Variants in TSC22D2 observed in about 807,000 individuals in gnomAD.
TSC22D2 encodes the protein TSC22 domain family protein 2.
TSC22D2 carries 5 observed loss-of-function variants against 50.1 expected under a neutral mutation model. The ratio of observed to expected loss-of-function variants is 0.10; its 90% CI spans 0.05 to 0.21. The LOEUF (loss-of-function observed/expected upper bound fraction) is 0.21. Ranked by LOEUF, TSC22D2 falls within the 10% of genes least tolerant of loss-of-function variation. The pLI, the probability that TSC22D2 is intolerant of heterozygous loss-of-function variation, is 1.00. For synonymous variants in TSC22D2, 501 were observed against 450.1 expected (o/e 1.11, Z -1.43); for missense variants, 1,003 against 1,015.5 (o/e 0.99, Z 0.17).
chr3:150,458,658 GA>G lies in TSC22D2; in HGVS notation c.*29del. 1 of 1,606,558 alleles carries G rather than the reference GA, an allele frequency of 6.2e-7. No individual in the cohort carries two copies. Among genetic ancestry groups the G allele is most frequent in the Non-Finnish European group, 8.5e-7 (1 of 1,176,952 alleles). On this transcript the variant is annotated 3_prime_UTR_variant, in exon 3 of 3. Transcript: ENST00000688009. ...ATAAAGCTTTCTTAAGCCTCATTAA[GA>G]AAAAAACTGAAAGCAATCTATCCTT...
chr3:150,435,979 T>A (rs1365138658), intron 1 of TSC22D2, among the ~76,000 whole-genome samples: 1 of 152,174 alleles, frequency 6.6e-6, no homozygotes, highest in Non-Finnish European at 1.5e-5. Flanking sequence ...TTGAAGGGTA[T>A]CTGGTTAATC....
At chr3:150,437,498 C>T (rs537039227) in intron 1 of TSC22D2, among the ~76,000 whole-genome samples, 33 of 152,006 alleles carry the variant, frequency 2.2e-4, no homozygotes, top group African/African-American at 7.7e-4. Context: ...ATCCAGCCAC[C>T]CATGCTATAA....
At chr3:150,450,628 A>C (rs934005840) in intron 1 of TSC22D2, among the ~76,000 whole-genome samples, 1 of 152,052 alleles carries the variant, frequency 6.6e-6, no homozygotes, top group South Asian at 2.1e-4. Context: ...GTCTATATGA[A>C]TTTTATTTAT....
intron 1 of TSC22D2, among the ~76,000 whole-genome samples, chr3:150,419,870 CA>C (rs1364276016): frequency 6.6e-6 from 1 of 152,146 alleles, no homozygotes; most frequent in East Asian, 1.9e-4. Flanking sequence ...GTGTAAACCA[CA>C]TCTCAGTCTT....
At chr3:150,432,130 G>A (rs921916807) in intron 1 of TSC22D2, among the ~76,000 whole-genome samples, 3 of 152,122 alleles carry the variant, frequency 2.0e-5, no homozygotes. Context: ...GCTAGCTGAA[G>A]TGGGACACTA....
intron 1 of TSC22D2, among the ~76,000 whole-genome samples, chr3:150,444,424 GTTTCTGC>G (rs1438811078): frequency 1.3e-5 from 2 of 152,158 alleles, no homozygotes; most frequent in East Asian, 3.8e-4. Context: ...GAGATGGACA[GTTTCTGC>G]TTTTAAGGTT....
intron 1 of TSC22D2, among the ~76,000 whole-genome samples, chr3:150,437,604 A>G (rs1240177006): frequency 6.6e-6 from 1 of 151,580 alleles, no homozygotes; most frequent in Non-Finnish European, 1.5e-5. Flanking sequence ...GATCGAGACC[A>G]TCCTGGCTAA....
chr3:150,454,416 G>C (rs1721128482), intron 1 of TSC22D2, among the ~76,000 whole-genome samples: 1 of 152,170 alleles, frequency 6.6e-6, no homozygotes, highest in Non-Finnish European at 1.5e-5. Flanking sequence ...TATATGCCAG[G>C]CTAAAAAGTT....
chr3:150,411,429 GT>G (rs1044297008), intron 1 of TSC22D2, 121 bp downstream of exon 1: 88 of 1,107,258 alleles, frequency 7.9e-5, no homozygotes, highest in Non-Finnish European at 1.1e-4. Flanking sequence ...ACAAAATTTA[GT>G]TTTTGGTAAA....
At chr3:150,420,075 G>A (rs144889579) in intron 1 of TSC22D2, among the ~76,000 whole-genome samples, 4 of 152,216 alleles carry the variant, frequency 2.6e-5, no homozygotes, top group African/African-American at 7.2e-5. Context: ...CAGGTTTCAT[G>A]GACTGTAACC....
At chr3:150,452,172 G>T (rs1042225320) in intron 1 of TSC22D2, among the ~76,000 whole-genome samples, 2 of 152,166 alleles carry the variant, frequency 1.3e-5, no homozygotes. Flanking sequence ...AAGGCTGGGC[G>T]TGGTGGCTCA....
chr3:150,428,272 A>G (rs911082590), intron 1 of TSC22D2, among the ~76,000 whole-genome samples: 78 of 152,262 alleles, frequency 5.1e-4, no homozygotes, highest in African/African-American at 1.8e-3. Flanking sequence ...TTCGTATCAC[A>G]TATATAAATG....
In TSC22D2 at chr3:150,409,746, A is replaced by C; in HGVS notation, c.396A>C (p.Gly132=). 6.2e-7 allele frequency: 1 copy of C among 1,601,446 alleles called. No individual in the cohort carries two copies. The highest frequency in any genetic ancestry group is 8.5e-7 in the Non-Finnish European group (1 of 1,178,044). ...AAAATSAPAP[G]APGGPQLAGS... ...CTGCCACTTCGGCCCCCGCCCCCGG[A>C]GCACCCGGCGGCCCCCAGCTCGCGG... Residue 132 remains glycine (G), a synonymous_variant, in exon 1 of 3, where the codon GGA becomes GGC. Transcript: ENST00000688009. The surrounding 1 kb of genome is among the most constrained non-coding windows in gnomAD (Gnocchi z 7.4).
At position 150,464,841 on chromosome 3, in the gene TSC22D2, C is replaced by T. The variant is rs931027587; in HGVS notation, c.*6205C>T. 6.6e-6 allele frequency: 1 copy of T among 152,094 alleles called. No individual in the cohort carries two copies. Among genetic ancestry groups the T allele is most frequent in the Non-Finnish European group, 1.5e-5 (1 of 68,010 alleles). The allele number at this position is 152,094 out of a possible 1,614,324, so 9.4% of individuals were successfully genotyped here. On this transcript the variant is annotated 3_prime_UTR_variant, in exon 3 of 3. Coordinates refer to ENST00000688009, the MANE Select transcript of TSC22D2 (RefSeq NM_001303264.2). ...GAAAAGTTTACACATTTTTAATACT[C>T]TAAGTTGTAGATAATGAAATTGATT...
intron 1 of TSC22D2, among the ~76,000 whole-genome samples, chr3:150,446,994 A>G (rs1294963502): frequency 2.0e-5 from 3 of 152,222 alleles, no homozygotes; most frequent in Admixed American, 6.5e-5. Context: ...ATAGGCATAA[A>G]GAAAAGAAAT....
intron 1 of TSC22D2, among the ~76,000 whole-genome samples, chr3:150,449,371 T>C (rs2108098804): frequency 6.6e-6 from 1 of 152,286 alleles, no homozygotes; most frequent in East Asian, 1.9e-4. Context: ...TACTCTTGCT[T>C]CTATCTCTGT....
chr3:150,410,731 A>G lies in TSC22D2; in HGVS notation c.1381A>G (p.Thr461Ala), dbSNP rs911256278. 1.3e-6 allele frequency: 2 copies of G among 1,598,600 alleles called. No individual in the cohort carries two copies. The highest frequency in any genetic ancestry group is 1.7e-6 in the Non-Finnish European group (2 of 1,173,312). Residue 461 changes from threonine to alanine, a missense_variant, in exon 1 of 3, where the codon ACT becomes GCT. Coordinates refer to ENST00000688009, the MANE Select transcript of TSC22D2 (RefSeq NM_001303264.2). ...PCQPTGVPPA[T>A]VGGVVQPCLG... Reference sequence around the variant, plus strand: ...TCAGCCGACTGGAGTGCCCCCGGCTACTGTGGGAGGCGTGGTGCAGCCGTG... The same window carrying G: ...TCAGCCGACTGGAGTGCCCCCGGCTGCTGTGGGAGGCGTGGTGCAGCCGTG...
At chr3:150,432,578 CT>C (rs571946786) in intron 1 of TSC22D2, among the ~76,000 whole-genome samples, 19 of 149,572 alleles carry the variant, frequency 1.3e-4, no homozygotes, top group African/African-American at 3.4e-4. Context: ...TATTGAAGAG[CT>C]TTTTTTAAAA....
At position 150,461,382 on chromosome 3, in the gene TSC22D2, T is replaced by G. The variant is rs1721394854; in HGVS notation, c.*2746T>G. 1 of 152,206 alleles carries G rather than the reference T, an allele frequency of 6.6e-6. No individual in the cohort carries two copies. The highest frequency in any genetic ancestry group is 2.4e-5 in the African/African-American group (1 of 41,468). 9.4% of individuals were successfully genotyped at this position (152,206 alleles called of 1,614,324 possible). A position where few individuals can be genotyped will look rare whatever the true frequency, so the allele number is the denominator to read the frequency against. ...CAAATAGTTGTAAATATTAACTGAT[T>G]GAGATCCCAATTTGGAGGCACAGTC... On this transcript the variant is annotated 3_prime_UTR_variant, in exon 3 of 3. Transcript: ENST00000688009.
Sources: allele counts gnomAD v4.1 joint callset (sites outside exome capture counted in the v4.1 genomes callset), GRCh38; gene constraint gnomAD v4.1.1; non-coding constraint Gnocchi (gnomAD v3.1); transcripts MANE v1.5; gene names NCBI Gene and HGNC (gene_info 2026-07-23, HGNC 2026-07-21).